NAV3: variants seen among roughly 807,000 people sequenced by gnomAD.
NAV3 encodes the protein pore membrane and/or filament interacting like protein 1.
In NAV3, 87 loss-of-function variants were observed where a neutral mutation model predicts 244.7. That is an observed-to-expected ratio of 0.36 (90% CI 0.30 to 0.42). The LOEUF is 0.42. NAV3 is among the 20% of genes least tolerant of loss of function. NAV3 has a pLI of 1.00. For synonymous variants in NAV3, 1,126 were observed against 1,042.2 expected (o/e 1.08, Z -1.55); for missense variants, 2,663 against 2,893.3 (o/e 0.92, Z 1.83).
At chr12:77,709,282 A>G (rs1875988735) in intron 2 of NAV3, among the ~76,000 whole-genome samples, 1 of 152,218 alleles carries the variant, frequency 6.6e-6, no homozygotes, top group African/African-American at 2.4e-5. Flanking sequence ...TCAATAAATT[A>G]GGTATTGATG....
chr12:78,037,760 C>T (rs1165913077), intron 9 of NAV3, among the ~76,000 whole-genome samples: 1 of 152,116 alleles, frequency 6.6e-6, no homozygotes, highest in East Asian at 1.9e-4. Context: ...CTCAAGGTGA[C>T]CTCATCACAG....
chr12:78,025,017 C>T (rs1877788142), intron 9 of NAV3, among the ~76,000 whole-genome samples: 1 of 151,890 alleles, frequency 6.6e-6, no homozygotes, highest in Non-Finnish European at 1.5e-5. Flanking sequence ...CCCTTGACCC[C>T]AAATTTGTCC....
At chr12:77,936,925 C>A (rs1203007427) in intron 1 of NAV3, among the ~76,000 whole-genome samples, 1 of 152,118 alleles carries the variant, frequency 6.6e-6, no homozygotes, top group Non-Finnish European at 1.5e-5. Context: ...TACACATATA[C>A]AATTTTGAAA....
intron 1 of NAV3, among the ~76,000 whole-genome samples, chr12:77,881,723 T>C (rs1882670855): frequency 6.6e-6 from 1 of 152,086 alleles, no homozygotes; most frequent in South Asian, 2.1e-4. Flanking sequence ...GTGACTTTAG[T>C]AAAGTTCAGG....
chr12:77,979,702 A>AC (rs1869186990), intron 5 of NAV3, among the ~76,000 whole-genome samples: 1 of 138,202 alleles, frequency 7.2e-6, no homozygotes, highest in Non-Finnish European at 1.5e-5. Context: ...GTGAAACGAA[A>AC]AAAAAAAAAG....
At chr12:77,879,611 G>T (rs1201218537) in intron 1 of NAV3, among the ~76,000 whole-genome samples, 1 of 150,524 alleles carries the variant, frequency 6.6e-6, no homozygotes, top group African/African-American at 2.4e-5. Flanking sequence ...GGGCGGGGAG[G>T]TGGAGGTTGC....
chr12:78,044,284 G>C (rs1187870053), intron 9 of NAV3, among the ~76,000 whole-genome samples: 1 of 152,064 alleles, frequency 6.6e-6, no homozygotes, highest in Non-Finnish European at 1.5e-5. Context: ...TGTTTCATTG[G>C]TCTATATATC....
chr12:77,973,866 G>A (rs1893221174), intron 5 of NAV3, among the ~76,000 whole-genome samples: 1 of 151,964 alleles, frequency 6.6e-6, no homozygotes, highest in African/African-American at 2.4e-5. Flanking sequence ...TAAAAAAAAA[G>A]TCAGTTAATC....
intron 2 of NAV3, chr12:77,572,352 T>C (rs548443019): frequency 1.3e-5 from 2 of 153,392 alleles, no homozygotes; most frequent in Middle Eastern, 9.5e-4. Context: ...CCTTTTGAGA[T>C]AAAATAACAT....
intron 12 of NAV3, among the ~76,000 whole-genome samples, chr12:78,097,492 C>T (rs764495730): frequency 6.6e-6 from 1 of 152,150 alleles, no homozygotes; most frequent in Non-Finnish European, 1.5e-5. Flanking sequence ...CTTTCACCCC[C>T]ATCTAGAGAT....
chr12:77,942,314 G>A (rs1268214192), intron 3 of NAV3, among the ~76,000 whole-genome samples: 1 of 152,054 alleles, frequency 6.6e-6, no homozygotes, highest in Non-Finnish European at 1.5e-5. Flanking sequence ...GGAGGTTATG[G>A]TGAGCGAGGA....
chr12:77,816,075 A>C (rs1872517431), intron 2 of NAV3, among the ~76,000 whole-genome samples: 1 of 152,176 alleles, frequency 6.6e-6, no homozygotes, highest in African/African-American at 2.4e-5. Flanking sequence ...CTGATGGGAA[A>C]AAAATTAAGG....
chr12:77,613,687 T>C (rs1871024505), intron 2 of NAV3, among the ~76,000 whole-genome samples: 1 of 152,132 alleles, frequency 6.6e-6, no homozygotes, highest in Non-Finnish European at 1.5e-5. Context: ...GGAAGGGTAG[T>C]GTGTGAAGAA....
intron 2 of NAV3, among the ~76,000 whole-genome samples, chr12:77,658,171 CCT>C (rs1464748087): frequency 6.6e-6 from 1 of 152,078 alleles, no homozygotes; most frequent in Admixed American, 6.5e-5. Flanking sequence ...TCAAATTTTC[CCT>C]GTTTGCAGAC....
chr12:77,693,852 G>A (rs1202370883), intron 2 of NAV3, among the ~76,000 whole-genome samples: 1 of 151,698 alleles, frequency 6.6e-6, no homozygotes, highest in African/African-American at 2.4e-5. Context: ...TTTTTTGTGT[G>A]CCATTTTTAA....
At chr12:77,888,434 G>A (rs1344878857) in intron 1 of NAV3, among the ~76,000 whole-genome samples, 2 of 152,238 alleles carry the variant, frequency 1.3e-5, no homozygotes, top group African/African-American at 2.4e-5. Context: ...CCGCGATCAT[G>A]TCACTGCACT....
At chr12:77,897,345 A>G (rs1016130519) in intron 1 of NAV3, among the ~76,000 whole-genome samples, 89 of 152,336 alleles carry the variant, frequency 5.8e-4, no homozygotes, top group African/African-American at 2.0e-3. Flanking sequence ...ATTAGTGCAC[A>G]CTAGCACACA....
At chr12:77,617,674 G>C (rs920250092) in intron 2 of NAV3, among the ~76,000 whole-genome samples, 1 of 152,106 alleles carries the variant, frequency 6.6e-6, no homozygotes. Context: ...GGCTTTTAAG[G>C]GTATGGTGGA....
At chr12:78,141,400 A>T (rs528444744) in intron 20 of NAV3, among the ~76,000 whole-genome samples, 1 of 152,200 alleles carries the variant, frequency 6.6e-6, no homozygotes, top group African/African-American at 2.4e-5. Context: ...AAAGCAGCCT[A>T]CTGAATCTCA....
Sources: allele counts gnomAD v4.1 joint callset (sites outside exome capture counted in the v4.1 genomes callset), GRCh38; gene constraint gnomAD v4.1.1; transcripts MANE v1.5; gene names NCBI Gene and HGNC (gene_info 2026-07-23, HGNC 2026-07-21).